Variants in PGM1 observed in about 807,000 individuals in gnomAD.
The protein encoded by PGM1 is phosphoglucomutase-1.
Under a neutral mutation model 55.6 loss-of-function variants are expected in PGM1, and 52 were observed. The ratio of observed to expected loss-of-function variants is 0.94; its 90% CI spans 0.75 to 1.18. The LOEUF is 1.18. Ranked by LOEUF, PGM1 falls within the 50% of genes most tolerant of loss-of-function variation. The pLI is 0.00. For synonymous variants in PGM1, 287 were observed against 271.7 expected (o/e 1.06, Z -0.55); for missense variants, 724 against 729.3 (o/e 0.99, Z 0.08).
In PGM1 at chr1:63,648,470, C is replaced by A. The variant is rs1649711938; in HGVS notation, c.1145-47C>A. Reference sequence around the variant, plus strand: ...ACCATATCAAGTACCTTCTCAGGTACTGGGAGAAAGCACGTTTCTTACAGC... The same window carrying A: ...ACCATATCAAGTACCTTCTCAGGTAATGGGAGAAAGCACGTTTCTTACAGC... On this transcript the variant is annotated intron_variant, in intron 7 of 10. Transcript: ENST00000371084. 5 of 1,612,432 alleles carry A rather than the reference C, an allele frequency of 3.1e-6. 1 individual carries two copies. Among genetic ancestry groups the A allele is most frequent in the African/African-American group, 1.3e-5 (1 of 74,992 alleles).
chr1:63,654,445 C>A lies in PGM1; in HGVS notation c.1578C>A (p.Ala526=), dbSNP rs1422381008. The change falls in exon 10 of 11, where the codon GCC becomes GCA. Residue 526 remains alanine, a synonymous_variant. Transcript: ENST00000371084. ...LYIDSYEKDV[A]KINQDPQVML... ...TCGATAGCTATGAGAAGGACGTTGCCAAGATTAACCAGGACCCCCAGGTAA... is the reference window on the plus strand; with the variant it reads ...TCGATAGCTATGAGAAGGACGTTGCAAAGATTAACCAGGACCCCCAGGTAA... The A allele has an allele frequency of 6.2e-7, 1 of 1,613,874 alleles. No individual in the cohort carries two copies. The highest frequency in any genetic ancestry group is 8.5e-7 in the Non-Finnish European group (1 of 1,179,898).
In PGM1 at chr1:63,659,731, G is replaced by C. The variant is rs1650068944; in HGVS notation, c.*56G>C. Reference sequence around the variant, plus strand: ...ACCCCCGGACCCATCCAAGTCATCTGATTGAAGAGCATGACAGAAACAAAA... The same window carrying C: ...ACCCCCGGACCCATCCAAGTCATCTCATTGAAGAGCATGACAGAAACAAAA... On this transcript the variant is annotated 3_prime_UTR_variant, in exon 11 of 11. Coordinates refer to ENST00000371084, the MANE Select transcript of PGM1 (RefSeq NM_002633.3). 6.2e-6 allele frequency: 8 copies of C among 1,299,598 alleles called. No individual in the cohort carries two copies. Among genetic ancestry groups the C allele is most frequent in the Non-Finnish European group, 9.0e-6 (8 of 893,258 alleles). 80.5% of individuals were successfully genotyped at this position (1,299,598 alleles called of 1,614,324 possible). A position where few individuals can be genotyped will look rare whatever the true frequency, so the allele number is the denominator to read the frequency against.
chr1:63,627,054 C>G lies in PGM1; in HGVS notation c.247-2371C>G, dbSNP rs1221627408. On this transcript the variant is annotated intron_variant, in intron 1 of 10. Coordinates refer to ENST00000371084, the MANE Select transcript of PGM1 (RefSeq NM_002633.3). ...ATCCATCTTGTGGCATATGGCAGGA[C>G]CCCCCCCCCCCCACACACACACACA... 6.2e-5 allele frequency among the ~76,000 whole-genome samples: 2 copies of G among 32,110 alleles called. 1 individual carries two copies. The highest frequency in any genetic ancestry group is 2.0e-4 in the Non-Finnish European group (2 of 9,762). The allele number at this position is 32,110 out of a possible 152,430, so 21.1% of individuals were successfully genotyped here. A position where few individuals can be genotyped will look rare whatever the true frequency, so the allele number is the denominator to read the frequency against.
At chr1:63,617,602 G>T (rs1648772703) in intron 1 of PGM1, among the ~76,000 whole-genome samples, 1 of 151,834 alleles carries the variant, frequency 6.6e-6, no homozygotes, top group South Asian at 2.1e-4. Flanking sequence ...AGCTCAGGTG[G>T]GATTGAGGCT....
chr1:63,600,475 G>A (rs547234092), intron 1 of PGM1, among the ~76,000 whole-genome samples: 2 of 152,156 alleles, frequency 1.3e-5, no homozygotes, highest in East Asian at 1.9e-4. Context: ...TCGGTACTAC[G>A]GATACAACAG....
intron 1 of PGM1, among the ~76,000 whole-genome samples, chr1:63,595,366 A>G (rs1048457123): frequency 1.3e-5 from 2 of 152,232 alleles, no homozygotes; most frequent in Admixed American, 6.5e-5. Flanking sequence ...AGATCTGCCA[A>G]TCCCAAGAAC....
rs1740409 is a variant in PGM1, at chr1:63,604,959, G to T, written c.246+11225G>T. On this transcript the variant is annotated intron_variant, in intron 1 of 10. Coordinates refer to ENST00000371084, the MANE Select transcript of PGM1 (RefSeq NM_002633.3). ...TGTGTGTGTGTGTGTGTGTGTGTGTGTAAAGAGAGGGGATATAGTTGTATA... is the reference window on the plus strand; with the variant it reads ...TGTGTGTGTGTGTGTGTGTGTGTGTTTAAAGAGAGGGGATATAGTTGTATA... Among the ~76,000 whole-genome samples, 379 of 134,162 alleles carry T rather than the reference G, an allele frequency of 2.8e-3. 3 individuals carry two copies. The highest frequency in any genetic ancestry group is 5.0e-3 in the African/African-American group (161 of 32,260). 88.0% of individuals were successfully genotyped at this position (134,162 alleles called of 152,430 possible).
Position 63,629,502 on chromosome 1 carries a change from C to T in PGM1, c.324C>T (p.Ala108=), listed in dbSNP as rs1649132599. The stretch of plus-strand genomic sequence containing the variant: ...CCTGCATCATTAGAAAAATCAAAGC[C>T]ATTGGTGGGATCATTCTGACAGCCA... ...AVSCIIRKIK[A]IGGIILTASH... The change falls in exon 2 of 11, where the codon GCC becomes GCT. Residue 108 remains alanine (A), a synonymous_variant. Coordinates refer to ENST00000371084, the MANE Select transcript of PGM1 (RefSeq NM_002633.3). 1 of 1,613,592 alleles carries T rather than the reference C, an allele frequency of 6.2e-7. No homozygotes were observed. The highest frequency in any genetic ancestry group is 1.1e-5 in the South Asian group (1 of 91,084).
At chr1:63,622,863 T>G (rs1272978042) in intron 1 of PGM1, among the ~76,000 whole-genome samples, 2 of 152,206 alleles carry the variant, frequency 1.3e-5, no homozygotes, top group South Asian at 4.1e-4. Context: ...AGGGGTAAAT[T>G]AAGCTCCCTC....
At chr1:63,607,395 G>T (rs1346877498) in intron 1 of PGM1, among the ~76,000 whole-genome samples, 1 of 152,224 alleles carries the variant, frequency 6.6e-6, no homozygotes, top group Non-Finnish European at 1.5e-5. Flanking sequence ...GTTGAATGGG[G>T]AAGATTGACA....
chr1:63,629,694 G>A (rs888735074), intron 2 of PGM1, 107 bp downstream of exon 2: 7 of 1,140,532 alleles, frequency 6.1e-6, no homozygotes, highest in Middle Eastern at 2.1e-4. Context: ...TTTGCAGGGG[G>A]TAGGGAGGTG....
chr1:63,599,403 A>T (rs973499618), intron 1 of PGM1, among the ~76,000 whole-genome samples: 1 of 151,928 alleles, frequency 6.6e-6, no homozygotes, highest in Non-Finnish European at 1.5e-5. Flanking sequence ...TGACCTCATC[A>T]TCCGCCCGCC....
chr1:63,631,544 A>G, intron 3 of PGM1, 113 bp from the exon 4 acceptor site: 1 of 965,488 alleles, frequency 1.0e-6, no homozygotes, highest in East Asian at 2.4e-5. Flanking sequence ...GCTGTTCAAT[A>G]ATTGTCCTTT....
At chr1:63,623,289 A>G (rs1648931497) in intron 1 of PGM1, 2 of 1,435,554 alleles carry the variant, frequency 1.4e-6, no homozygotes, top group Admixed American at 2.9e-5. Context: ...CACAAGGGAC[A>G]ACAACAACAA....
intron 7 of PGM1, among the ~76,000 whole-genome samples, chr1:63,639,280 A>G (rs61765290): frequency 1.2e-4 from 19 of 152,230 alleles, no homozygotes; most frequent in Non-Finnish European, 2.1e-4. Context: ...AAGGAAGACC[A>G]TGAGGGTGGA....
intron 8 of PGM1, among the ~76,000 whole-genome samples, chr1:63,650,742 G>T (rs767075747): frequency 4.6e-5 from 7 of 152,142 alleles, no homozygotes; most frequent in Non-Finnish European, 8.8e-5. Flanking sequence ...AAGTCAAAAA[G>T]AATTCTTGAA....
chr1:63,639,385 A>C (rs74927590), intron 7 of PGM1, among the ~76,000 whole-genome samples: 19,046 of 151,912 alleles, frequency 0.13, 1,272 homozygotes, highest in East Asian at 0.23. Context: ...AGAAGGGTAC[A>C]TAGTATTCTC....
At chr1:63,598,466 A>G (rs1474629567) in intron 1 of PGM1, among the ~76,000 whole-genome samples, 1 of 152,192 alleles carries the variant, frequency 6.6e-6, no homozygotes, top group African/African-American at 2.4e-5. Context: ...TGGTGAGTAT[A>G]AATGATGTTT....
chr1:63,594,232 C>A, intron 1 of PGM1: 1 of 708,906 alleles, frequency 1.4e-6, no homozygotes, highest in Non-Finnish European at 1.7e-6. Flanking sequence ...TTCCCGCTGG[C>A]TCGGAGCCCG....
Sources: allele counts gnomAD v4.1 joint callset (sites outside exome capture counted in the v4.1 genomes callset), GRCh38; gene constraint gnomAD v4.1.1; transcripts MANE v1.5; gene names NCBI Gene and HGNC (gene_info 2026-07-23, HGNC 2026-07-21).